The following NELL2 variants were observed in gnomAD, a reference collection of about 807,000 sequenced individuals.
NELL2 encodes protein kinase C-binding protein NELL2.
A neutral mutation model predicts 109.6 loss-of-function variants in NELL2; 41 were observed. The observed-to-expected ratio is 0.37, with a 90% confidence interval of 0.29 to 0.49. The LOEUF is 0.49. NELL2 is among the 20% of genes least tolerant of loss of function. The pLI is 0.98. For synonymous variants in NELL2, 355 were observed against 344.7 expected (o/e 1.03, Z -0.33); for missense variants, 900 against 1,008.3 (o/e 0.89, Z 1.45).
intron 16 of NELL2, 98 bp downstream of exon 16, chr12:44,532,483 A>C (rs1360102996): frequency 8.0e-7 from 1 of 1,254,700 alleles, no homozygotes; most frequent in Admixed American, 2.4e-5. Context: ...TATAGTAAAA[A>C]CACTAACATT....
chr12:44,869,937 C>T (rs1160472116), intron 2 of NELL2, among the ~76,000 whole-genome samples: 2 of 152,136 alleles, frequency 1.3e-5, no homozygotes, highest in Non-Finnish European at 2.9e-5. Context: ...TTACTACAAA[C>T]AGCAAGAAAA....
intron 9 of NELL2, among the ~76,000 whole-genome samples, chr12:44,734,598 C>T (rs1054223624): frequency 2.0e-5 from 3 of 151,746 alleles, no homozygotes; most frequent in Admixed American, 2.0e-4. Context: ...CAATTTTCCC[C>T]TACACTCAGT....
chr12:44,826,144 ATT>A (rs1164835826), intron 2 of NELL2, among the ~76,000 whole-genome samples: 2 of 152,194 alleles, frequency 1.3e-5, no homozygotes, highest in Admixed American at 6.5e-5. Flanking sequence ...GGTAAGCATC[ATT>A]GTTTTCTTTT....
intron 9 of NELL2, among the ~76,000 whole-genome samples, chr12:44,771,853 A>G (rs1254285599): frequency 2.6e-5 from 4 of 152,248 alleles, no homozygotes; most frequent in African/African-American, 9.6e-5. Flanking sequence ...AGAAATGCGC[A>G]AACAACTCCG....
intron 9 of NELL2, among the ~76,000 whole-genome samples, chr12:44,736,661 A>G (rs1779738985): frequency 6.6e-6 from 1 of 152,218 alleles, no homozygotes; most frequent in Admixed American, 6.5e-5. Flanking sequence ...CCAAATGTTT[A>G]CTATTGGAAA....
At chr12:44,575,716 C>G (rs1944048698) in intron 15 of NELL2, among the ~76,000 whole-genome samples, 2 of 152,142 alleles carry the variant, frequency 1.3e-5, no homozygotes, top group Admixed American at 6.5e-5. Context: ...AGCTACAGTT[C>G]AATACATTTT....
At chr12:44,521,392 T>C (rs1941523587) in intron 18 of NELL2, among the ~76,000 whole-genome samples, 1 of 150,650 alleles carries the variant, frequency 6.6e-6, no homozygotes, top group Admixed American at 6.6e-5. Flanking sequence ...TAGCCGGGCG[T>C]AGTGGCGGGC....
intron 2 of NELL2, among the ~76,000 whole-genome samples, chr12:44,840,948 T>C (rs1335965357): frequency 2.0e-5 from 3 of 152,222 alleles, no homozygotes; most frequent in African/African-American, 7.2e-5. Context: ...ACAAGTAGTT[T>C]TGTAGAACAC....
intron 9 of NELL2, among the ~76,000 whole-genome samples, chr12:44,747,453 A>C (rs1169791003): frequency 6.6e-6 from 1 of 151,944 alleles, no homozygotes. Flanking sequence ...GTATAATAAT[A>C]ATAATAATAA....
At chr12:44,720,599 T>C (rs759174907) in intron 9 of NELL2, among the ~76,000 whole-genome samples, 3 of 152,224 alleles carry the variant, frequency 2.0e-5, no homozygotes, top group Non-Finnish European at 4.4e-5. Context: ...AAAGAAAGTC[T>C]GCTCGGACAA....
At chr12:44,804,297 G>A (rs1356866065) in intron 3 of NELL2, among the ~76,000 whole-genome samples, 1 of 151,808 alleles carries the variant, frequency 6.6e-6, no homozygotes, top group Non-Finnish European at 1.5e-5. Context: ...AAAAAAAGAG[G>A]CAAACATGAA....
intron 13 of NELL2, among the ~76,000 whole-genome samples, chr12:44,646,157 A>T (rs1474739842): frequency 6.6e-6 from 1 of 152,104 alleles, no homozygotes; most frequent in Non-Finnish European, 1.5e-5. Context: ...TGTTCTAGGC[A>T]CTACTGAAAA....
intron 2 of NELL2, among the ~76,000 whole-genome samples, chr12:44,853,230 A>G (rs148915444): frequency 0.014 from 2,106 of 152,278 alleles, 23 homozygotes; most frequent in South Asian, 0.028. Flanking sequence ...CATAGAAATT[A>G]ATAATAAGCT....
intron 9 of NELL2, among the ~76,000 whole-genome samples, chr12:44,723,576 C>A (rs570881266): frequency 6.6e-6 from 1 of 151,784 alleles, no homozygotes; most frequent in Non-Finnish European, 1.5e-5. Context: ...TTATTGTAGT[C>A]TTGATTATAT....
intron 2 of NELL2, among the ~76,000 whole-genome samples, chr12:44,828,790 T>C (rs922074129): frequency 2.6e-5 from 4 of 152,176 alleles, no homozygotes; most frequent in African/African-American, 7.2e-5. Flanking sequence ...GATTTATCTA[T>C]AACAAATACA....
chr12:44,625,521 G>T (rs1261610175), intron 13 of NELL2, among the ~76,000 whole-genome samples: 1 of 151,996 alleles, frequency 6.6e-6, no homozygotes, highest in Non-Finnish European at 1.5e-5. Flanking sequence ...TATATCCTGT[G>T]TTTGGCAGAG....
intron 19 of NELL2, among the ~76,000 whole-genome samples, chr12:44,510,250 A>C (rs1170771554): frequency 6.6e-6 from 1 of 152,170 alleles, no homozygotes; most frequent in African/African-American, 2.4e-5. Context: ...TTTAAAATAC[A>C]TTATCTAATT....
intron 19 of NELL2, among the ~76,000 whole-genome samples, chr12:44,518,396 C>G (rs1941371711): frequency 6.6e-6 from 1 of 152,114 alleles, no homozygotes; most frequent in Non-Finnish European, 1.5e-5. Context: ...AGGCACCCAC[C>G]ACCATGCCTG....
At chr12:44,798,961 T>C (rs1320628571) in intron 3 of NELL2, among the ~76,000 whole-genome samples, 1 of 135,512 alleles carries the variant, frequency 7.4e-6, no homozygotes, top group African/African-American at 2.8e-5. Flanking sequence ...TTTTTTTTTT[T>C]TTTTTTTTTT....
Sources: allele counts gnomAD v4.1 joint callset (sites outside exome capture counted in the v4.1 genomes callset), GRCh38; gene constraint gnomAD v4.1.1; transcripts MANE v1.5; gene names NCBI Gene and HGNC (gene_info 2026-07-23, HGNC 2026-07-21).